Variants in CADM3 observed in about 807,000 individuals in gnomAD.
CADM3 encodes cell adhesion molecule 3.
Under a neutral mutation model 44.9 loss-of-function variants are expected in CADM3, and 11 were observed. That is an observed-to-expected ratio of 0.25 (90% confidence interval 0.15 to 0.41). The LOEUF is 0.41. Ranked by LOEUF, CADM3 falls within the 10% of genes least tolerant of loss-of-function variation. CADM3 has a pLI of 1.00. For synonymous variants in CADM3, 207 were observed against 205.2 expected, an observed-to-expected ratio of 1.01 and a Z score of -0.08; for missense variants, 426 against 512.0, an observed-to-expected ratio of 0.83 and a Z score of 1.62.
intron 1 of CADM3, among the ~76,000 whole-genome samples, chr1:159,173,173 G>T (rs952921452): frequency 6.6e-6 from 1 of 151,478 alleles, no homozygotes; most frequent in Non-Finnish European, 1.5e-5. Context: ...GGAGAAAGGG[G>T]AGGTGGCTCC....
intron 5 of CADM3, chr1:159,195,174 G>A (rs2852719): frequency 0.089 from 13,522 of 152,224 alleles, 1,741 homozygotes; most frequent in African/African-American, 0.28. Context: ...TCCACAGGCC[G>A]ACAATCCGGA....
rs751691830 is a variant in CADM3, at chr1:159,193,872, G to C, written c.523G>C (p.Glu175Gln). The C allele has an allele frequency of 6.2e-7, 1 of 1,613,476 alleles. No homozygotes were observed. Among genetic ancestry groups the C allele is most frequent in the East Asian group, 2.2e-5 (1 of 44,864 alleles). Residue 175 changes from glutamate (E) to glutamine (Q), a missense_variant and splice_region_variant, in exon 5 of 9, where the codon GAA (glutamate) becomes CAA (glutamine). Physicochemically the swap from Glu to Gln is conservative, Grantham distance 29. This residue lies in a region of CADM3 where 362 missense variants were observed against 474.6 expected (regional missense o/e 0.76). Coordinates refer to ENST00000368125, the MANE Select transcript of CADM3 (RefSeq NM_001127173.3). ...WRKGDQELHG[E>Q]PTRIQEDPNG... ...GTGCCACTGTTTCTGCACTCTAGGA[G>C]AACCAACCCGCATACAGGAAGATCC...
At position 159,189,488 on chromosome 1, in the gene CADM3, C is replaced by A. The variant is rs1028537900; in HGVS notation, c.89-2448C>A. ...TCATCTGCGAAGTGGGAGAACTAGA[C>A]TGGATGAACTCTTAAGATCTCTTTG... is the stretch of plus-strand genomic sequence containing the variant. On this transcript the variant is annotated intron_variant, in intron 1 of 8. Transcript: ENST00000368125. 3.9e-5 allele frequency among the ~76,000 whole-genome samples: 6 copies of A among 152,332 alleles called. No individual in the cohort carries two copies. The East Asian group carries it at 1.2e-3, about 29-fold the overall frequency.
At position 159,194,074 on chromosome 1, in the gene CADM3, G is replaced by A. The variant is rs775181493; in HGVS notation, c.691+34G>A. ...TGGGCTTGGGGATGAAGAAGGATGA[G>A]GTATGAGATGAGGACCAGGGAGAAA... On this transcript the variant is annotated intron_variant, in intron 5 of 8. Transcript: ENST00000368125. The A allele has an allele frequency of 4.4e-6, 7 of 1,595,098 alleles. No homozygotes were observed. In the South Asian group the frequency reaches 6.7e-5, roughly 15 times the overall value.
At chr1:159,179,994 G>C (rs724363) in intron 1 of CADM3, among the ~76,000 whole-genome samples, 74,843 of 151,942 alleles carry the variant, frequency 0.49, 18,777 homozygotes, top group East Asian at 0.67. Context: ...CCCATATTTT[G>C]ATTTATCCTC....
rs201073643 is a variant in CADM3, at chr1:159,191,976, T to C, written c.129T>C (p.Gly43=). 1.2e-6 allele frequency: 2 copies of C among 1,613,330 alleles called. No individual in the cohort carries two copies. The highest frequency in any genetic ancestry group is 1.7e-6 in the Non-Finnish European group (2 of 1,179,904). Reference sequence around the variant, plus strand: ...CATCTGATGAAACAGTGGTGGCTGGTGGCACCGTGGTGCTCAAGTGCCAAG... The same window carrying C: ...CATCTGATGAAACAGTGGTGGCTGGCGGCACCGTGGTGCTCAAGTGCCAAG... ...PWTSDETVVA[G]GTVVLKCQVK... is the part of the protein sequence containing the mutation. Residue 43 remains glycine, a synonymous_variant, in exon 2 of 9, where the codon GGT becomes GGC. Coordinates refer to ENST00000368125, the MANE Select transcript of CADM3 (RefSeq NM_001127173.3).
At chr1:159,175,145 C>G (rs1242086815) in intron 1 of CADM3, among the ~76,000 whole-genome samples, 7 of 152,212 alleles carry the variant, frequency 4.6e-5, no homozygotes, top group African/African-American at 1.7e-4. Context: ...TTTGGCAGAT[C>G]AACTCCATCC....
intron 1 of CADM3, among the ~76,000 whole-genome samples, chr1:159,178,893 T>C (rs1649127964): frequency 6.6e-6 from 1 of 152,188 alleles, no homozygotes; most frequent in Non-Finnish European, 1.5e-5. Context: ...AATATAATAG[T>C]TAATACTTAT....
chr1:159,200,523 CACACACA>C (rs1650130677), intron 8 of CADM3, among the ~76,000 whole-genome samples: 1 of 5,680 alleles, frequency 1.8e-4, no homozygotes, highest in Admixed American at 1.4e-3. Flanking sequence ...TGCAAGCACA[CACACACA>C]CACACACACA....
At position 159,193,988 on chromosome 1, in the gene CADM3, T is replaced by C. The variant is rs1363057068; in HGVS notation, c.639T>C (p.His213=). The C allele has an allele frequency of 3.1e-6, 5 of 1,614,156 alleles. No individual in the cohort carries two copies. In the East Asian group the frequency reaches 6.7e-5, roughly 22 times the overall value. ...DGASIVCSVN[H]ESLKGADRST... is the part of the protein sequence containing the mutation. ...CGAGCATCGTGTGCTCTGTGAACCA[T>C]GAATCTCTAAAGGGAGCTGACAGAT... Residue 213 remains histidine, a synonymous_variant, in exon 5 of 9, where the codon CAT becomes CAC. Transcript: ENST00000368125.
intron 1 of CADM3, among the ~76,000 whole-genome samples, chr1:159,187,469 A>G (rs1251374342): frequency 6.6e-6 from 1 of 152,234 alleles, no homozygotes; most frequent in East Asian, 1.9e-4. Context: ...TTAGGTAAGT[A>G]ATTGAACCTC....
intron 5 of CADM3, chr1:159,194,647 A>G (rs1334370546): frequency 1.3e-5 from 2 of 152,284 alleles, no homozygotes; most frequent in Admixed American, 6.5e-5. Flanking sequence ...AGGAAAGCAC[A>G]GTTTCCCTGG....
intron 1 of CADM3, among the ~76,000 whole-genome samples, chr1:159,186,353 A>G (rs1194450274): frequency 6.6e-6 from 1 of 152,178 alleles, no homozygotes; most frequent in South Asian, 2.1e-4. Flanking sequence ...TATGACCGAT[A>G]TGACTGAAAC....
Position 159,196,368 on chromosome 1 carries a change from A to T in CADM3, c.696A>T (p.Thr232=). ...ATACCATTTCCTTCTCCACAGACAC[A>T]CCAACTGCGATGATTAGGCCAGACC... ...STSQRIEVLY[T]PTAMIRPDPP... Residue 232 remains threonine (T), a synonymous_variant, in exon 6 of 9, where the codon ACA becomes ACT. Coordinates refer to ENST00000368125, the MANE Select transcript of CADM3 (RefSeq NM_001127173.3). 3 of 1,613,904 alleles carry T rather than the reference A, an allele frequency of 1.9e-6. No individual in the cohort carries two copies. The highest frequency in any genetic ancestry group is 2.5e-6 in the Non-Finnish European group (3 of 1,179,874).
intron 1 of CADM3, among the ~76,000 whole-genome samples, chr1:159,179,318 A>G (rs1178263115): frequency 6.6e-6 from 1 of 152,168 alleles, no homozygotes; most frequent in African/African-American, 2.4e-5. Flanking sequence ...ACAAACTAAA[A>G]TGTTGTCTTC....
intron 1 of CADM3, among the ~76,000 whole-genome samples, chr1:159,187,836 A>G (rs1327455749): frequency 1.3e-5 from 2 of 151,926 alleles, no homozygotes; most frequent in Non-Finnish European, 2.9e-5. Flanking sequence ...TCCATCCTCC[A>G]TGTGCACAGA....
rs750242393 is a variant in CADM3 at position 159,192,024 on chromosome 1, C to T, written c.177C>T (p.Ser59=). The T allele has an allele frequency of 5.0e-6, 8 of 1,614,140 alleles. No individual in the cohort carries two copies. The South Asian group carries it at 7.7e-5, about 16-fold the overall frequency. ...KCQVKDHEDS[S]LQWSNPAQQT... ...AAGTGAAAGATCACGAGGACTCATCCCTGCAATGGTCTAACCCTGCTCAGC... is the reference window on the plus strand; with the variant it reads ...AAGTGAAAGATCACGAGGACTCATCTCTGCAATGGTCTAACCCTGCTCAGC... The change falls in exon 2 of 9, where the codon TCC becomes TCT. Residue 59 remains serine (S), a synonymous_variant. Coordinates refer to ENST00000368125, the MANE Select transcript of CADM3 (RefSeq NM_001127173.3).
rs138675429 is a variant in CADM3 at position 159,196,948 on chromosome 1, G to A, written c.840G>A (p.Gln280=). ...GTGTGCCACCCCTGAAGATGACCCA[G>A]GAGAGTGCCCTGATCTTCCCTTTCC... ...EGSVPPLKMT[Q]ESALIFPFLN... is the part of the protein sequence containing the mutation. Residue 280 remains glutamine (Q), a synonymous_variant, in exon 7 of 9, where the codon CAG becomes CAA. Coordinates refer to ENST00000368125, the MANE Select transcript of CADM3 (RefSeq NM_001127173.3). 4,329 of 1,614,080 alleles carry A rather than the reference G, an allele frequency of 2.7e-3. 6 individuals are homozygous for A. Among genetic ancestry groups the A allele is most frequent in the Non-Finnish European group, 3.4e-3 (3,975 of 1,180,022 alleles).
Position 159,197,051 on chromosome 1 carries a change from A to G in CADM3, c.943A>G (p.Asn315Asp). 1 of 1,613,940 alleles carries G rather than the reference A, an allele frequency of 6.2e-7. No homozygotes were observed. Among genetic ancestry groups the G allele is most frequent in the Non-Finnish European group, 8.5e-7 (1 of 1,179,916 alleles). ...CAGCTACAAGGCCTACTACACCCTCAATGTTAATGGTAAGCCCTCCTCAGT... is the reference window on the plus strand; with the variant it reads ...CAGCTACAAGGCCTACTACACCCTCGATGTTAATGGTAAGCCCTCCTCAGT... ...MGSYKAYYTL[N>D]VNDPSPVPSS... The change falls in exon 7 of 9, where the codon AAT becomes GAT. Residue 315 changes from asparagine to aspartate, a missense_variant. This residue lies in a region of CADM3 where 362 missense variants were observed against 474.6 expected (regional missense o/e 0.76). Transcript: ENST00000368125.
Sources: allele counts gnomAD v4.1 joint callset (sites outside exome capture counted in the v4.1 genomes callset), GRCh38; gene constraint gnomAD v4.1.1; regional missense constraint gnomAD v4.1.1; transcripts MANE v1.5; gene names NCBI Gene and HGNC (gene_info 2026-07-23, HGNC 2026-07-21).